The following PACS1 variants were observed in gnomAD, a reference collection of about 807,000 sequenced individuals.
PACS1 encodes the protein PACS-1.
A neutral mutation model predicts 115.0 loss-of-function variants in PACS1; 24 were observed. The ratio of observed to expected loss-of-function variants is 0.21; its 90% confidence interval spans 0.15 to 0.29. PACS1 has a LOEUF of 0.29. Ranked by LOEUF, PACS1 falls within the 10% of genes least tolerant of loss-of-function variation. The pLI, the probability that PACS1 is intolerant of heterozygous loss-of-function variation, is 1.00. For synonymous variants in PACS1, 453 were observed against 504.5 expected, an observed-to-expected ratio of 0.90 and a Z score of 1.37; for missense variants, 838 against 1,251.2, an observed-to-expected ratio of 0.67 and a Z score of 4.98.
chr11:66,103,400 T>A (rs1183984489), intron 1 of PACS1, among the ~76,000 whole-genome samples: 1 of 150,690 alleles, frequency 6.6e-6, no homozygotes, highest in East Asian at 1.9e-4. Flanking sequence ...CAGAGCAGAT[T>A]GAAATAAGTA....
At chr11:66,224,239 T>C (rs1855422930) in intron 10 of PACS1, among the ~76,000 whole-genome samples, 1 of 147,102 alleles carries the variant, frequency 6.8e-6, no homozygotes, top group Non-Finnish European at 1.5e-5. Context: ...TCAGCCTTTA[T>C]AATATGATGG....
At chr11:66,099,103 G>A (rs1300287915) in intron 1 of PACS1, among the ~76,000 whole-genome samples, 1 of 152,072 alleles carries the variant, frequency 6.6e-6, no homozygotes, top group Non-Finnish European at 1.5e-5. Flanking sequence ...GAATGCAGTG[G>A]CACAATCTCA....
chr11:66,240,999 G>A (rs10791861), intron 21 of PACS1: 29,065 of 154,086 alleles, frequency 0.19, 2,873 homozygotes, highest in East Asian at 0.27. Flanking sequence ...GGAGCCGCCC[G>A]CAGGGGCTTC....
At chr11:66,101,266 T>G (rs1857911560) in intron 1 of PACS1, among the ~76,000 whole-genome samples, 1 of 152,224 alleles carries the variant, frequency 6.6e-6, no homozygotes, top group African/African-American at 2.4e-5. Context: ...TCACTTTCTC[T>G]TTTTACAGAA....
rs1238215546 is a variant in PACS1 at position 66,239,380 on chromosome 11, G to A, written c.2429+103G>A. The A allele has an allele frequency of 1.1e-5, 15 of 1,376,722 alleles. 1 individual carries two copies. Among genetic ancestry groups the A allele is most frequent in the South Asian group, 9.8e-5 (7 of 71,200 alleles). 85.3% of individuals were successfully genotyped at this position (1,376,722 alleles called of 1,614,324 possible). ...GCTTAGAAGGTAGCCACAGGAAGCC[G>A]GGCGTGGTAGTGCACACCTGTGGTC... On this transcript the variant is annotated intron_variant, in intron 21 of 23. Coordinates refer to ENST00000320580, the MANE Select transcript of PACS1 (RefSeq NM_018026.4).
At position 66,233,032 on chromosome 11, in the gene PACS1, G is replaced by A. The variant is rs754938917; in HGVS notation, c.1804G>A (p.Val602Met). The change falls in exon 15 of 24, where the codon GTG (valine) becomes ATG (methionine). Residue 602 changes from valine (V) to methionine (M), a missense_variant. Physicochemically the swap from Val to Met is conservative, Grantham distance 21. Coordinates refer to ENST00000320580, the MANE Select transcript of PACS1 (RefSeq NM_018026.4). This position sits in a 1 kb window ranked among gnomAD's most constrained non-coding sequence, Gnocchi z 4.5. ...CTCSTVEVQA[V>M]LSALLTRIQR... ...CTGCTCCACCGTGGAGGTCCAGGCC[G>A]TGCTGTCCGCCCTGCTCACCCGGAT... is the stretch of plus-strand genomic sequence containing the variant. 125 of 1,611,170 alleles carry A rather than the reference G, an allele frequency of 7.8e-5. 1 individual carries two copies. In the East Asian group the frequency reaches 2.4e-3, roughly 31 times the overall value.
In PACS1 at chr11:66,211,009, C is replaced by T. The variant is rs573644743; in HGVS notation, c.535-125C>T. 1.3e-5 allele frequency: 15 copies of T among 1,152,140 alleles called. No individual in the cohort carries two copies. The Admixed American group carries it at 1.3e-4, about 10-fold the overall frequency. The allele number at this position is 1,152,140 out of a possible 1,614,324, so 71.4% of individuals were successfully genotyped here. A position where few individuals can be genotyped will look rare whatever the true frequency, so the allele number is the denominator to read the frequency against. On this transcript the variant is annotated intron_variant, in intron 3 of 23. Transcript: ENST00000320580. ...AGCAGCAACTTCATGGCTCTCCTTTCAACCCTGACTGCCCCCTTTTAGAGA... is the reference window on the plus strand; with the variant it reads ...AGCAGCAACTTCATGGCTCTCCTTTTAACCCTGACTGCCCCCTTTTAGAGA...
At chr11:66,234,087 C>T (rs774168906) in intron 16 of PACS1, 45 bp from the exon 17 acceptor site, 2 of 1,536,334 alleles carry the variant, frequency 1.3e-6, no homozygotes, top group East Asian at 2.2e-5. Context: ...CCCACACTGT[C>T]TCATCTCCTG....
intron 1 of PACS1, among the ~76,000 whole-genome samples, chr11:66,114,300 C>G (rs1453274832): frequency 6.6e-6 from 1 of 151,686 alleles, no homozygotes; most frequent in African/African-American, 2.4e-5. Context: ...CGCCTATAGT[C>G]ACAGCTACTC....
intron 1 of PACS1, among the ~76,000 whole-genome samples, chr11:66,086,256 A>G (rs1857566739): frequency 6.7e-6 from 1 of 148,190 alleles, no homozygotes; most frequent in Non-Finnish European, 1.5e-5. Context: ...CTCCTGCCTC[A>G]GCCTCCCGAG....
intron 1 of PACS1, among the ~76,000 whole-genome samples, chr11:66,115,378 C>G (rs1204054763): frequency 6.6e-6 from 1 of 152,144 alleles, no homozygotes; most frequent in Non-Finnish European, 1.5e-5. Flanking sequence ...TGCTAATACA[C>G]TAATTTCTGT....
chr11:66,200,249 T>G (rs1276236241), intron 2 of PACS1, among the ~76,000 whole-genome samples: 1 of 151,736 alleles, frequency 6.6e-6, no homozygotes, highest in Admixed American at 6.6e-5. Context: ...TACTCAGGAG[T>G]CTGAGGTAGA....
chr11:66,135,044 C>T (rs375484097), intron 1 of PACS1, among the ~76,000 whole-genome samples: 1 of 152,040 alleles, frequency 6.6e-6, no homozygotes, highest in Non-Finnish European at 1.5e-5. Flanking sequence ...AACCCTGTCT[C>T]TACTAAAAAT....
chr11:66,200,956 C>T (rs1269117539), intron 2 of PACS1, among the ~76,000 whole-genome samples: 1 of 151,550 alleles, frequency 6.6e-6, no homozygotes, highest in Non-Finnish European at 1.5e-5. Flanking sequence ...TGTGGTGACT[C>T]ACGCCTGTAA....
At chr11:66,072,114 A>G (rs1857318356) in intron 1 of PACS1, among the ~76,000 whole-genome samples, 2 of 152,188 alleles carry the variant, frequency 1.3e-5, no homozygotes, top group South Asian at 4.2e-4. Flanking sequence ...ATAGTTCTGA[A>G]TGTTCTTGAA....
intron 1 of PACS1, among the ~76,000 whole-genome samples, chr11:66,192,421 G>C (rs905685262): frequency 2.0e-5 from 3 of 152,224 alleles, no homozygotes; most frequent in Non-Finnish European, 4.4e-5. Context: ...TGGCAGGGTG[G>C]TGCCAACAGA....
chr11:66,212,412 A>T (rs1203614), intron 4 of PACS1, among the ~76,000 whole-genome samples: 1 of 149,866 alleles, frequency 6.7e-6, no homozygotes, highest in Non-Finnish European at 1.5e-5. Flanking sequence ...GATTACAGGC[A>T]TGAGCCACTG....
intron 19 of PACS1, 44 bp from the exon 20 acceptor site, chr11:66,238,760 G>A (rs1255192728): frequency 1.3e-6 from 2 of 1,543,094 alleles, no homozygotes; most frequent in East Asian, 4.7e-5. Context: ...GAACATGCCT[G>A]CTTTAACAGG....
intron 7 of PACS1, among the ~76,000 whole-genome samples, chr11:66,219,009 C>A (rs1855278295): frequency 6.6e-6 from 1 of 152,022 alleles, no homozygotes; most frequent in Admixed American, 6.6e-5. Context: ...ACGTACAGGC[C>A]TGACTGCTGA....
Sources: gnomAD v4.1 joint callset for allele counts (sites outside exome capture counted in the v4.1 genomes callset) on GRCh38, gnomAD v4.1.1 for gene constraint, Gnocchi (gnomAD v3.1) non-coding constraint, MANE v1.5 for transcripts, NCBI Gene and HGNC (gene_info 2026-07-23, HGNC 2026-07-21) for gene names.